The following POTEE variants were observed in gnomAD, a reference collection of about 807,000 sequenced individuals.
POTEE encodes the protein ANKRD26-like family C member 1A.
A neutral mutation model predicts 74.2 loss-of-function variants in POTEE; 21 were observed. The ratio of observed to expected loss-of-function variants is 0.28; its 90% CI spans 0.20 to 0.41. The LOEUF (loss-of-function observed/expected upper bound fraction) is 0.41, where lower values mean the gene tolerates loss of function less well. Ranked by LOEUF, POTEE falls within the 10% of genes least tolerant of loss-of-function variation. The pLI, the probability that POTEE is intolerant of heterozygous loss-of-function variation, is 1.00. For missense variants in POTEE, 525 were observed against 1,158.6 expected (o/e 0.45, Z 7.94); for synonymous variants, 211 against 432.8 (o/e 0.49, Z 6.36).
chr2:131,215,493 T>C (rs940693050), intron 2 of POTEE, among the ~76,000 whole-genome samples: 2 of 151,696 alleles, frequency 1.3e-5, no homozygotes, highest in African/African-American at 4.9e-5. Context: ...GCTAGAACTT[T>C]GAGAACAAGG....
At position 131,209,604 on chromosome 2, in the gene POTEE, G is replaced by A. The variant is rs558914242; in HGVS notation, c.-560G>A. On this transcript the variant is annotated 5_prime_UTR_variant, in exon 1 of 18. Transcript: ENST00000683005. The stretch of plus-strand genomic sequence containing the variant: ...GCTACCTGTTTCTGGCTGGAGCCTC[G>A]GACACTGGCTCACTGCAGTTGGTGG... 1.3e-5 allele frequency among the ~76,000 whole-genome samples: 2 copies of A among 152,182 alleles called. No homozygotes were observed. Among genetic ancestry groups the A allele is most frequent in the Non-Finnish European group, 2.9e-5 (2 of 68,036 alleles).
chr2:131,237,709 G>A (rs1701180449), intron 10 of POTEE, among the ~76,000 whole-genome samples: 1 of 151,952 alleles, frequency 6.6e-6, no homozygotes, highest in South Asian at 2.1e-4. Flanking sequence ...AATTTAAATG[G>A]TGCCTACAAT....
chr2:131,229,317 G>T (rs1247292254), intron 8 of POTEE, among the ~76,000 whole-genome samples: 1 of 151,786 alleles, frequency 6.6e-6, no homozygotes, highest in Non-Finnish European at 1.5e-5. Flanking sequence ...GATCTGTACT[G>T]TGAGGCACCT....
At position 131,264,029 on chromosome 2, in the gene POTEE, G is replaced by T; in HGVS notation, c.2574G>T (p.Gly858=). The change falls in exon 18 of 18, where the codon GGG becomes GGT. Residue 858 remains glycine (G), a synonymous_variant. Coordinates refer to ENST00000683005, the MANE Select transcript of POTEE (RefSeq NM_001083538.3). ...TTGIVMDSGD[G]VTHTVPIYEG... ...GCATCGTGATGGACTCTGGTGACGG[G>T]GTCACCCACACTGTGCCCATCTATG... The T allele has an allele frequency of 5.0e-6, 8 of 1,614,180 alleles. No individual in the cohort carries two copies. The highest frequency in any genetic ancestry group is 6.8e-6 in the Non-Finnish European group (8 of 1,180,030).
chr2:131,220,378 G>C (rs1700580648), intron 4 of POTEE, among the ~76,000 whole-genome samples: 2 of 151,476 alleles, frequency 1.3e-5, no homozygotes, highest in South Asian at 4.2e-4. Flanking sequence ...TAATTGCTTT[G>C]TATTTTTAGT....
intron 2 of POTEE, among the ~76,000 whole-genome samples, chr2:131,212,570 CTT>C (rs70994744): frequency 0.036 from 955 of 26,742 alleles, 193 homozygotes; most frequent in Non-Finnish European, 0.056. Context: ...TGTTTTCTTT[CTT>C]TTTTTTTTTG....
intron 4 of POTEE, among the ~76,000 whole-genome samples, chr2:131,221,133 CTCA>C (rs1417341567): frequency 6.6e-6 from 1 of 152,132 alleles, no homozygotes; most frequent in African/African-American, 2.4e-5. Flanking sequence ...ATGCTTTTTA[CTCA>C]TCAATTCCAT....
chr2:131,223,215 C>G (rs1465460886), intron 4 of POTEE, among the ~76,000 whole-genome samples: 2 of 117,172 alleles, frequency 1.7e-5, no homozygotes, highest in East Asian at 4.9e-4. Flanking sequence ...TATTCTATAT[C>G]TTTGGTGCAG....
chr2:131,263,610 G>T lies in POTEE; in HGVS notation c.2155G>T (p.Ala719Ser), dbSNP rs554527513. The stretch of plus-strand genomic sequence containing the variant: ...TGACAACGGCTCTGGCATGTGCAAG[G>T]CCGGCTTTGCGGGCGACGATGCCCC... ...VIDNGSGMCK[A>S]GFAGDDAPRA... Residue 719 changes from alanine to serine, a missense_variant, in exon 18 of 18, where the codon GCC becomes TCC. Coordinates refer to ENST00000683005, the MANE Select transcript of POTEE (RefSeq NM_001083538.3). 21 of 1,595,686 alleles carry T rather than the reference G, an allele frequency of 1.3e-5. No homozygotes were observed. In the Admixed American group the frequency reaches 1.6e-4, roughly 12 times the overall value.
At chr2:131,222,408 C>G (rs1366969887) in intron 4 of POTEE, among the ~76,000 whole-genome samples, 3 of 151,588 alleles carry the variant, frequency 2.0e-5, no homozygotes, top group Admixed American at 6.6e-5. Flanking sequence ...GGGCCTATTA[C>G]AGGGTGAAGG....
At chr2:131,229,773 T>G (rs930794027) in intron 8 of POTEE, 14 of 152,276 alleles carry the variant, frequency 9.2e-5, no homozygotes, top group Non-Finnish European at 1.6e-4. Flanking sequence ...ATAGTGTGAA[T>G]CAAAGCAAAA....
chr2:131,212,930 CA>C (rs1440258744), intron 2 of POTEE, among the ~76,000 whole-genome samples: 1 of 150,202 alleles, frequency 6.7e-6, no homozygotes, highest in Non-Finnish European at 1.5e-5. Context: ...CACCTCTTTG[CA>C]AGAGAAAAAG....
In POTEE at chr2:131,264,868, C is replaced by T; in HGVS notation, c.*185C>T. ...GACAGCAGTCGGTTGGAGGAAGCTT[C>T]CTCCAAAGTTCTACAATGTTGCCAA... On this transcript the variant is annotated 3_prime_UTR_variant, in exon 18 of 18. Transcript: ENST00000683005. 3 of 932,648 alleles carry T rather than the reference C, an allele frequency of 3.2e-6. No individual in the cohort carries two copies. In the South Asian group the frequency reaches 5.2e-5, roughly 16 times the overall value. 57.8% of individuals were successfully genotyped at this position (932,648 alleles called of 1,614,324 possible).
chr2:131,237,968 T>C (rs1701194213), intron 10 of POTEE, among the ~76,000 whole-genome samples: 1 of 152,228 alleles, frequency 6.6e-6, no homozygotes, highest in Non-Finnish European at 1.5e-5. Flanking sequence ...CACATGTTAG[T>C]CAGAAGCCAG....
chr2:131,264,034 C>CCCA lies in POTEE; in HGVS notation c.2581_2583dup (p.His861dup). ...GTGATGGACTCTGGTGACGGGGTCA[C>CCCA]CCACACTGTGCCCATCTATGAGGGG... On this transcript the variant is annotated inframe_insertion, in exon 18 of 18. Coordinates refer to ENST00000683005, the MANE Select transcript of POTEE (RefSeq NM_001083538.3). The CCCA allele has an allele frequency of 6.2e-7, 1 of 1,614,220 alleles. No homozygotes were observed. Among genetic ancestry groups the CCCA allele is most frequent in the South Asian group, 1.1e-5 (1 of 91,086 alleles).
At chr2:131,235,830 T>C (rs190401502) in intron 9 of POTEE, among the ~76,000 whole-genome samples, 1 of 128,914 alleles carries the variant, frequency 7.8e-6, no homozygotes, top group African/African-American at 2.8e-5. Context: ...AAAAAGAAAA[T>C]AAATGTGTCA....
At chr2:131,220,117 T>C (rs898242954) in intron 4 of POTEE, among the ~76,000 whole-genome samples, 3 of 151,990 alleles carry the variant, frequency 2.0e-5, no homozygotes, top group African/African-American at 7.3e-5. Flanking sequence ...AAAATAAGAG[T>C]ATAGATTAAA....
chr2:131,209,556 G>A lies in POTEE; in HGVS notation c.-608G>A, dbSNP rs894632700. On this transcript the variant is annotated 5_prime_UTR_variant, in exon 1 of 18. Coordinates refer to ENST00000683005, the MANE Select transcript of POTEE (RefSeq NM_001083538.3). ...AGGTCATTTCAGGCTCTTAAGTGTG[G>A]GCGTTTGGTAACCGGCATGGCTGCT... 1.3e-5 allele frequency among the ~76,000 whole-genome samples: 2 copies of A among 152,338 alleles called. No homozygotes were observed. The highest frequency in any genetic ancestry group is 4.8e-5 in the African/African-American group (2 of 41,576).
rs1376994091 is a variant in POTEE, at chr2:131,211,153, C to A, written c.-219C>A. Among the ~76,000 whole-genome samples, 1 of 151,824 alleles carries A rather than the reference C, an allele frequency of 6.6e-6. No homozygotes were observed. The highest frequency in any genetic ancestry group is 6.5e-5 in the Admixed American group (1 of 15,272). On this transcript the variant is annotated 5_prime_UTR_variant, in exon 2 of 18. Transcript: ENST00000683005. ...GCAGCTCGCCTCGTGTGACTGATGG[C>A]AGCCACGGAGACTGCAGCTCGACAG...
Sources: allele counts gnomAD v4.1 joint callset (sites outside exome capture counted in the v4.1 genomes callset), GRCh38; gene constraint gnomAD v4.1.1; transcripts MANE v1.5; gene names NCBI Gene and HGNC (gene_info 2026-07-23, HGNC 2026-07-21).